Variants in ZNF451 observed in about 807,000 individuals in gnomAD.
The protein encoded by ZNF451 is zinc finger protein 451, also known as E3 SUMO-protein ligase ZNF451.
ZNF451 carries 80 observed loss-of-function variants against 107.1 expected under a neutral mutation model. The ratio of observed to expected loss-of-function variants is 0.75; its 90% CI spans 0.62 to 0.90. The LOEUF (loss-of-function observed/expected upper bound fraction) is 0.90. ZNF451 is among the 40% of genes least tolerant of loss of function. The pLI is 0.00. For synonymous variants in ZNF451, 362 were observed against 406.5 expected (o/e 0.89, Z 1.32); for missense variants, 1,107 against 1,236.2 (o/e 0.90, Z 1.57).
Position 57,099,319 on chromosome 6 carries a change from C to G in ZNF451, c.186+178C>G, listed in dbSNP as rs1465513317. On this transcript the variant is annotated intron_variant, in intron 3 of 14. Transcript: ENST00000370706. The stretch of plus-strand genomic sequence containing the variant: ...AGATCTCCTACTTCCAGTTTTTTTC[C>G]TCTACTTTGAATGAGATTATGAAAA... 13 of 636,876 alleles carry G rather than the reference C, an allele frequency of 2.0e-5. No homozygotes were observed. The East Asian group carries it at 3.5e-4, about 17-fold the overall frequency. The allele number at this position is 636,876 out of a possible 1,614,324, so 39.5% of individuals were successfully genotyped here. A position where few individuals can be genotyped will look rare whatever the true frequency, so the allele number is the denominator to read the frequency against.
At position 57,133,043 on chromosome 6, in the gene ZNF451, A is replaced by G. The variant is rs569076284; in HGVS notation, c.426A>G (p.Gly142=). Residue 142 remains glycine, a splice_region_variant and synonymous_variant, in exon 6 of 15, where the codon GGA becomes GGG. Coordinates refer to ENST00000370706, the MANE Select transcript of ZNF451 (RefSeq NM_001031623.3). ...AGAATTCATATTCTGATGATGCAGG[A>G]CTCAAAACAGGCACAATTAATTGTG... ...LCVDQWLKMP[G]LKTGTINCGT... is the part of the protein sequence containing the mutation. 14 of 1,614,110 alleles carry G rather than the reference A, an allele frequency of 8.7e-6. No individual in the cohort carries two copies. In the South Asian group the frequency reaches 1.5e-4, roughly 18 times the overall value.
intron 11 of ZNF451, chr6:57,151,263 T>G (rs1289757333): frequency 6.4e-6 from 1 of 156,170 alleles, no homozygotes; most frequent in Non-Finnish European, 1.4e-5. Flanking sequence ...TCCCAGCTCC[T>G]TGGGAGGCTG....
intron 3 of ZNF451, among the ~76,000 whole-genome samples, chr6:57,123,754 A>G (rs1302203815): frequency 2.0e-5 from 3 of 152,186 alleles, no homozygotes; most frequent in Non-Finnish European, 4.4e-5. Context: ...TTATATTTAT[A>G]CCTAAGTATT....
chr6:57,114,893 AT>A (rs1472748164), intron 3 of ZNF451: 1 of 152,214 alleles, frequency 6.6e-6, no homozygotes, highest in Non-Finnish European at 1.5e-5. Context: ...AATAACCACT[AT>A]TTAACATTTT....
At chr6:57,155,344 G>C (rs1263821616) in intron 13 of ZNF451, among the ~76,000 whole-genome samples, 1 of 152,076 alleles carries the variant, frequency 6.6e-6, no homozygotes, top group Non-Finnish European at 1.5e-5. Flanking sequence ...AAATTAGCTG[G>C]GCATGGTGGC....
chr6:57,131,791 A>G (rs1269252541), intron 5 of ZNF451, among the ~76,000 whole-genome samples: 1 of 152,250 alleles, frequency 6.6e-6, no homozygotes, highest in East Asian at 1.9e-4. Context: ...TGTATGAAAT[A>G]TTCAAAGCAT....
intron 2 of ZNF451, chr6:57,091,531 T>C (rs1182310898): frequency 6.6e-6 from 1 of 152,346 alleles, no homozygotes; most frequent in Non-Finnish European, 1.5e-5. Flanking sequence ...CCTAGGAATC[T>C]TCATTTTCAG....
At chr6:57,108,201 G>A in intron 3 of ZNF451, 1 of 985,416 alleles carries the variant, frequency 1.0e-6, no homozygotes, top group Non-Finnish European at 1.2e-6. Context: ...ATTGTGTTCA[G>A]TTAGTAGTCC....
Position 57,160,792 on chromosome 6 carries a change from G to A in ZNF451, c.3071-292G>A, listed in dbSNP as rs150049103. ...CTTCGGTCTCTTATTATGAAAGCAC[G>A]TAAGACATCAGGTAAGTAAGTTTGT... On this transcript the variant is annotated intron_variant, in intron 13 of 14. Coordinates refer to ENST00000370706, the MANE Select transcript of ZNF451 (RefSeq NM_001031623.3). 45 of 250,198 alleles carry A rather than the reference G, an allele frequency of 1.8e-4. No individual in the cohort carries two copies. The East Asian group carries it at 3.2e-3, about 18-fold the overall frequency. 15.5% of individuals were successfully genotyped at this position (250,198 alleles called of 1,614,324 possible).
intron 13 of ZNF451, chr6:57,159,527 T>G (rs1763575623): frequency 1.0e-5 from 2 of 194,606 alleles, no homozygotes; most frequent in Non-Finnish European, 1.4e-5. Flanking sequence ...TTATAAGAGT[T>G]TTTTTTTTTT....
At chr6:57,091,859 A>G (rs759240740) in intron 2 of ZNF451, among the ~76,000 whole-genome samples, 4 of 152,226 alleles carry the variant, frequency 2.6e-5, no homozygotes, top group Non-Finnish European at 5.9e-5. Flanking sequence ...CTTTCCCAGC[A>G]TTAGGGCCAT....
At chr6:57,117,967 G>A (rs942960371) in intron 3 of ZNF451, among the ~76,000 whole-genome samples, 1 of 152,060 alleles carries the variant, frequency 6.6e-6, no homozygotes, top group African/African-American at 2.4e-5. Flanking sequence ...TCACATTGTT[G>A]TTGTGACACA....
intron 3 of ZNF451, among the ~76,000 whole-genome samples, chr6:57,113,691 G>C (rs1010663498): frequency 2.0e-5 from 3 of 148,154 alleles, no homozygotes; most frequent in Non-Finnish European, 4.4e-5. Context: ...GTGCAATCTC[G>C]GCTCACTGCA....
At chr6:57,107,605 A>T in intron 3 of ZNF451, 1 of 985,270 alleles carries the variant, frequency 1.0e-6, no homozygotes, top group Non-Finnish European at 1.2e-6. Flanking sequence ...TACAGCTCTG[A>T]TATATCTTAA....
intron 2 of ZNF451, chr6:57,091,367 G>T (rs1047021263): frequency 8.1e-6 from 1 of 123,434 alleles, no homozygotes; most frequent in African/African-American, 3.1e-5. Flanking sequence ...TACAGTTGAT[G>T]CTCATAATGA....
intron 13 of ZNF451, among the ~76,000 whole-genome samples, chr6:57,158,271 T>C (rs1365923448): frequency 6.6e-6 from 1 of 152,202 alleles, no homozygotes; most frequent in Non-Finnish European, 1.5e-5. Flanking sequence ...TAATGGGAAA[T>C]ATTCTGCCAC....
At chr6:57,129,207 T>C (rs535353209) in intron 5 of ZNF451, among the ~76,000 whole-genome samples, 42 of 152,280 alleles carry the variant, frequency 2.8e-4, no homozygotes, top group African/African-American at 9.9e-4. Context: ...TAAACTGAGA[T>C]CTAGAGGATT....
chr6:57,099,495 T>C (rs1262104775), intron 3 of ZNF451: 1 of 716,998 alleles, frequency 1.4e-6, no homozygotes, highest in Non-Finnish European at 2.6e-6. Flanking sequence ...GATTCTTTTG[T>C]TCCAGAACCA....
At chr6:57,107,402 T>TA (rs559576682) in intron 3 of ZNF451, 324 of 984,466 alleles carry the variant, frequency 3.3e-4, no homozygotes, top group Non-Finnish European at 3.8e-4. Flanking sequence ...ATGTCCCTTT[T>TA]AAAAAAAATA....
Sources: allele counts gnomAD v4.1 joint callset (sites outside exome capture counted in the v4.1 genomes callset), GRCh38; gene constraint gnomAD v4.1.1; transcripts MANE v1.5; gene names NCBI Gene and HGNC (gene_info 2026-07-23, HGNC 2026-07-21).